SH3GL2: variants seen among roughly 807,000 people sequenced by gnomAD.
The protein encoded by SH3GL2 is endophilin-A1.
In SH3GL2, 24 loss-of-function variants were observed where a neutral mutation model predicts 46.0. That is an observed-to-expected ratio of 0.52 (90% CI 0.38 to 0.73). The LOEUF is 0.73. SH3GL2 is among the 30% of genes least tolerant of loss of function. SH3GL2 has a pLI of 0.00. For missense variants in SH3GL2, 413 were observed against 424.2 expected, an observed-to-expected ratio of 0.97 and a Z score of 0.23; for synonymous variants, 196 against 147.1, an observed-to-expected ratio of 1.33 and a Z score of -2.40.
chr9:17,609,204 AT>A (rs969459277), intron 1 of SH3GL2, among the ~76,000 whole-genome samples: 28 of 152,200 alleles, frequency 1.8e-4, no homozygotes, highest in African/African-American at 6.3e-4. Flanking sequence ...GGAAATAGAA[AT>A]GCAGAGATGT....
At chr9:17,734,209 A>T (rs532653876) in intron 1 of SH3GL2, among the ~76,000 whole-genome samples, 30 of 152,164 alleles carry the variant, frequency 2.0e-4, no homozygotes, top group African/African-American at 7.2e-4. Flanking sequence ...CCTTTAATTT[A>T]CCTGGATTTT....
chr9:17,598,558 C>T (rs1029039411), intron 1 of SH3GL2, among the ~76,000 whole-genome samples: 16 of 152,204 alleles, frequency 1.1e-4, no homozygotes, highest in Non-Finnish European at 1.6e-4. Context: ...CCCCGACCTG[C>T]CCACTTCATG....
intron 1 of SH3GL2, among the ~76,000 whole-genome samples, chr9:17,606,449 C>T (rs1014209189): frequency 6.6e-6 from 1 of 152,166 alleles, no homozygotes; most frequent in African/African-American, 2.4e-5. Flanking sequence ...TACCAAGCTG[C>T]AGCCTGGCTT....
rs550919560 is a variant in SH3GL2 at position 17,672,520 on chromosome 9, G to A, written c.46-74546G>A. ...TTGAAAATTAGCTGGACTTAAGTAG[G>A]CATTTAGTTTTCAAGCTTTAGTTTA... is the stretch of plus-strand genomic sequence containing the variant. On this transcript the variant is annotated intron_variant, in intron 1 of 8. Transcript: ENST00000380607. Among the ~76,000 whole-genome samples, 3 of 152,240 alleles carry A rather than the reference G, an allele frequency of 2.0e-5. No individual in the cohort carries two copies. The East Asian group carries it at 5.8e-4, about 30-fold the overall frequency.
chr9:17,638,149 T>C (rs1450438990), intron 1 of SH3GL2, among the ~76,000 whole-genome samples: 1 of 138,822 alleles, frequency 7.2e-6, no homozygotes, highest in African/African-American at 2.7e-5. Flanking sequence ...AGAGCGAGAC[T>C]CCCTCTCAAA....
chr9:17,667,487 A>G (rs1820376335), intron 1 of SH3GL2, among the ~76,000 whole-genome samples: 1 of 152,182 alleles, frequency 6.6e-6, no homozygotes, highest in African/African-American at 2.4e-5. Context: ...ATATATGAAT[A>G]TGTTACAGAT....
At chr9:17,754,805 G>A (rs1007350475) in intron 2 of SH3GL2, among the ~76,000 whole-genome samples, 5 of 152,158 alleles carry the variant, frequency 3.3e-5, no homozygotes, top group African/African-American at 1.2e-4. Context: ...TTGGTGTATA[G>A]GAATGCTAGT....
intron 1 of SH3GL2, among the ~76,000 whole-genome samples, chr9:17,663,538 T>A (rs1820272929): frequency 6.6e-6 from 1 of 152,204 alleles, no homozygotes; most frequent in Non-Finnish European, 1.5e-5. Context: ...TATTATCATA[T>A]CAAAAAACGT....
chr9:17,680,294 C>G (rs879564890), intron 1 of SH3GL2, among the ~76,000 whole-genome samples: 1 of 152,122 alleles, frequency 6.6e-6, no homozygotes, highest in Non-Finnish European at 1.5e-5. Flanking sequence ...TTAATTATTG[C>G]CTCAATTTCA....
At chr9:17,656,788 C>CAA (rs3084636) in intron 1 of SH3GL2, among the ~76,000 whole-genome samples, 1 of 132,442 alleles carries the variant, frequency 7.6e-6, no homozygotes, top group Non-Finnish European at 1.6e-5. Flanking sequence ...AAAAAAAAAA[C>CAA]AAAAAAGGCT....
intron 1 of SH3GL2, among the ~76,000 whole-genome samples, chr9:17,648,514 C>T (rs1819880925): frequency 6.6e-6 from 1 of 152,094 alleles, no homozygotes; most frequent in Non-Finnish European, 1.5e-5. Flanking sequence ...TCAAAAACAT[C>T]CAGGGTTTAT....
intron 1 of SH3GL2, among the ~76,000 whole-genome samples, chr9:17,683,933 C>T (rs1199768087): frequency 2.0e-5 from 3 of 152,100 alleles, no homozygotes; most frequent in Non-Finnish European, 2.9e-5. Context: ...TGAATCAACT[C>T]CCCACACTTA....
Position 17,796,004 on chromosome 9 carries a change from A to G in SH3GL2, c.*261A>G, listed in dbSNP as rs972002115. The G allele has an allele frequency of 2.1e-6, 1 of 477,738 alleles. No individual in the cohort carries two copies. 29.6% of individuals were successfully genotyped at this position (477,738 alleles called of 1,614,324 possible). On this transcript the variant is annotated 3_prime_UTR_variant, in exon 9 of 9. Transcript: ENST00000380607. ...CAGTAGTCACAGAACTGCTGTTTAC[A>G]CAGTTCTCAGGAGGCTGTGGTTTCT...
chr9:17,792,153 A>G (rs973056873), intron 7 of SH3GL2, among the ~76,000 whole-genome samples: 6 of 152,166 alleles, frequency 3.9e-5, no homozygotes, highest in African/African-American at 7.2e-5. Context: ...GAAGACACCA[A>G]TCATACGATT....
At chr9:17,702,180 G>A (rs1199648109) in intron 1 of SH3GL2, among the ~76,000 whole-genome samples, 2 of 152,130 alleles carry the variant, frequency 1.3e-5, no homozygotes, top group East Asian at 3.9e-4. Flanking sequence ...TGGATAGTCT[G>A]CTTGGAAAAA....
At chr9:17,774,201 A>G (rs1243884488) in intron 3 of SH3GL2, among the ~76,000 whole-genome samples, 1 of 152,086 alleles carries the variant, frequency 6.6e-6, no homozygotes, top group African/African-American at 2.4e-5. Flanking sequence ...TTTTGTGGGA[A>G]ATCTTTAGAG....
At chr9:17,629,742 C>T (rs1819375515) in intron 1 of SH3GL2, among the ~76,000 whole-genome samples, 1 of 152,090 alleles carries the variant, frequency 6.6e-6, no homozygotes, top group South Asian at 2.1e-4. Context: ...CCTGTTTATC[C>T]AGGTTTCACT....
At chr9:17,757,714 G>A (rs1461865566) in intron 2 of SH3GL2, among the ~76,000 whole-genome samples, 3 of 152,186 alleles carry the variant, frequency 2.0e-5, no homozygotes, top group Non-Finnish European at 4.4e-5. Flanking sequence ...AAACTGTACT[G>A]TTCTCAAATG....
At chr9:17,770,094 CA>C (rs1200278248) in intron 3 of SH3GL2, among the ~76,000 whole-genome samples, 1 of 152,186 alleles carries the variant, frequency 6.6e-6, no homozygotes, top group East Asian at 1.9e-4. Context: ...CAGACTTTTA[CA>C]GATCAGTATC....
Sources: gnomAD v4.1 joint callset for allele counts (sites outside exome capture counted in the v4.1 genomes callset) on GRCh38, gnomAD v4.1.1 for gene constraint, MANE v1.5 for transcripts, NCBI Gene and HGNC (gene_info 2026-07-23, HGNC 2026-07-21) for gene names.